Variants in PSD3 observed in about 807,000 individuals in gnomAD.
PSD3 encodes the protein pleckstrin and Sec7 domain containing 3.
A neutral mutation model predicts 105.5 loss-of-function variants in PSD3; 49 were observed. The ratio of observed to expected loss-of-function variants is 0.46; its 90% CI spans 0.37 to 0.59. The LOEUF is 0.59. PSD3 is among the 20% of genes least tolerant of loss of function. The pLI, the probability that PSD3 is intolerant of heterozygous loss-of-function variation, is 0.00. For missense variants in PSD3, 1,561 were observed against 1,263.8 expected (o/e 1.24, Z -3.57); for synonymous variants, 557 against 457.8 (o/e 1.22, Z -2.77).
At chr8:18,838,588 T>G (rs1345972174) in intron 4 of PSD3, among the ~76,000 whole-genome samples, 1 of 151,786 alleles carries the variant, frequency 6.6e-6, no homozygotes, top group Non-Finnish European at 1.5e-5. Context: ...GATCATGAGG[T>G]CAGGAGCTCA....
chr8:18,764,958 G>C (rs111770394), intron 9 of PSD3, among the ~76,000 whole-genome samples: 81 of 152,256 alleles, frequency 5.3e-4, no homozygotes, highest in African/African-American at 1.9e-3. Context: ...TCATGCTGAT[G>C]TTACCAATAA....
intron 1 of PSD3, among the ~76,000 whole-genome samples, chr8:18,945,674 C>G (rs1040860410): frequency 6.6e-6 from 1 of 152,144 alleles, no homozygotes; most frequent in Non-Finnish European, 1.5e-5. Flanking sequence ...TCTACCTTAT[C>G]TAATAAAAAA....
At chr8:18,618,222 G>C (rs1339443747) in intron 11 of PSD3, among the ~76,000 whole-genome samples, 1 of 140,950 alleles carries the variant, frequency 7.1e-6, no homozygotes, top group Admixed American at 7.0e-5. Flanking sequence ...GGAAGCCCCT[G>C]CTTCCAGGTG....
At chr8:18,719,758 G>C (rs1443574018) in intron 9 of PSD3, among the ~76,000 whole-genome samples, 2 of 152,092 alleles carry the variant, frequency 1.3e-5, no homozygotes, top group African/African-American at 2.4e-5. Flanking sequence ...TAATCTTCAA[G>C]TTACCTAAAT....
At chr8:19,062,365 T>G (rs1828931438) in intron 1 of PSD3, among the ~76,000 whole-genome samples, 1 of 152,180 alleles carries the variant, frequency 6.6e-6, no homozygotes. Context: ...TACCTTAGAA[T>G]GCTTACAGTT....
intron 1 of PSD3, among the ~76,000 whole-genome samples, chr8:18,986,591 A>C (rs1489694526): frequency 6.6e-6 from 1 of 152,162 alleles, no homozygotes; most frequent in African/African-American, 2.4e-5. Flanking sequence ...TGTTTGAAAA[A>C]AAAAATCTCA....
At chr8:18,831,448 G>A (rs1813673513) in intron 4 of PSD3, among the ~76,000 whole-genome samples, 4 of 152,178 alleles carry the variant, frequency 2.6e-5, no homozygotes, top group Admixed American at 1.3e-4. Flanking sequence ...CAGGCCAGAT[G>A]CCGTGGCTCA....
intron 8 of PSD3, among the ~76,000 whole-genome samples, chr8:18,778,114 A>G (rs1808268180): frequency 2.0e-5 from 3 of 152,208 alleles, no homozygotes; most frequent in Admixed American, 6.5e-5. Context: ...GGGATGCCCT[A>G]TAACTCTGAC....
intron 9 of PSD3, among the ~76,000 whole-genome samples, chr8:18,751,074 T>C (rs1401669444): frequency 7.9e-5 from 12 of 152,092 alleles, no homozygotes; most frequent in African/African-American, 2.7e-4. Flanking sequence ...TTGATGGACC[T>C]GGGCGCCGTG....
At chr8:18,742,399 T>C (rs1478002634) in intron 9 of PSD3, among the ~76,000 whole-genome samples, 1 of 152,106 alleles carries the variant, frequency 6.6e-6, no homozygotes, top group Non-Finnish European at 1.5e-5. Flanking sequence ...GTAAACACTA[T>C]AAAGAACTTC....
chr8:19,003,324 T>C (rs372201577), intron 1 of PSD3, among the ~76,000 whole-genome samples: 218 of 151,874 alleles, frequency 1.4e-3, no homozygotes, highest in African/African-American at 5.1e-3. Flanking sequence ...TGAGCTATGA[T>C]GGCGCCTGGG....
upstream of PSD3, among the ~76,000 whole-genome samples, chr8:19,017,712 T>C (rs987344645): frequency 4.6e-5 from 7 of 152,378 alleles, no homozygotes; most frequent in South Asian, 1.5e-3. Flanking sequence ...TTTTCAATGC[T>C]CATCCATATT....
chr8:18,824,776 C>G (rs931828547), intron 4 of PSD3, among the ~76,000 whole-genome samples: 1 of 152,094 alleles, frequency 6.6e-6, no homozygotes, highest in Non-Finnish European at 1.5e-5. Flanking sequence ...ATACAGATAA[C>G]TAGAAGAGTC....
At chr8:18,690,833 C>T (rs1327041332) in intron 9 of PSD3, among the ~76,000 whole-genome samples, 1 of 152,206 alleles carries the variant, frequency 6.6e-6, no homozygotes, top group East Asian at 1.9e-4. Context: ...TTCCCCTGCC[C>T]CTTCTCAGAA....
At chr8:18,712,828 C>CA (rs1198228731) in intron 9 of PSD3, among the ~76,000 whole-genome samples, 5 of 151,824 alleles carry the variant, frequency 3.3e-5, no homozygotes, top group Non-Finnish European at 5.9e-5. Context: ...AGAGATATAA[C>CA]AAAAAAAAGA....
intron 9 of PSD3, among the ~76,000 whole-genome samples, chr8:18,706,729 G>A (rs1046292129): frequency 6.6e-6 from 1 of 152,128 alleles, no homozygotes; most frequent in African/African-American, 2.4e-5. Flanking sequence ...CACTGGAAAT[G>A]GCTACATCAA....
At chr8:18,722,208 T>C (rs1435093089) in intron 9 of PSD3, among the ~76,000 whole-genome samples, 1 of 151,942 alleles carries the variant, frequency 6.6e-6, no homozygotes, top group Admixed American at 6.6e-5. Flanking sequence ...GTGGGAGTAA[T>C]ATGTCAGTGG....
At chr8:18,936,515 G>C (rs1398639844) in intron 1 of PSD3, among the ~76,000 whole-genome samples, 1 of 152,158 alleles carries the variant, frequency 6.6e-6, no homozygotes, top group Non-Finnish European at 1.5e-5. Flanking sequence ...TGTAATCTCA[G>C]CACTTTGGGA....
intron 9 of PSD3, among the ~76,000 whole-genome samples, chr8:18,690,163 C>T (rs115208769): frequency 3.9e-4 from 60 of 152,062 alleles, no homozygotes; most frequent in Non-Finnish European, 4.7e-4. Flanking sequence ...ATAAGAACTA[C>T]GAAAAGGAGA....
Sources: gnomAD v4.1 joint callset for allele counts (sites outside exome capture counted in the v4.1 genomes callset) on GRCh38, gnomAD v4.1.1 for gene constraint, MANE v1.5 for transcripts, NCBI Gene and HGNC (gene_info 2026-07-23, HGNC 2026-07-21) for gene names.